Variants in MAF observed in about 807,000 individuals in gnomAD.
MAF encodes MAF bZIP transcription factor, also known as transcription factor Maf.
A neutral mutation model predicts 22.0 loss-of-function variants in MAF; 10 were observed. The ratio of observed to expected loss-of-function variants is 0.45; its 90% CI spans 0.28 to 0.77. The LOEUF is 0.77. Ranked by LOEUF, MAF falls within the 30% of genes least tolerant of loss-of-function variation. The pLI, the probability that MAF is intolerant of heterozygous loss-of-function variation, is 0.12. For missense variants in MAF, 544 were observed against 548.4 expected, an observed-to-expected ratio of 0.99 and a Z score of 0.08; for synonymous variants, 337 against 255.8, an observed-to-expected ratio of 1.32 and a Z score of -3.03.
chr16:79,363,565 G>A, the MAF span, among the ~76,000 whole-genome samples: 2 of 152,182 alleles, frequency 1.3e-5, no homozygotes, highest in African/African-American at 4.8e-5. Flanking sequence ...GGTTTCTACT[G>A]AATGTGTATT....
In MAF at chr16:79,600,300, C is replaced by T. The variant is rs1913951308; in HGVS notation, c.-398G>A. On this transcript the variant is annotated 5_prime_UTR_variant, in exon 1 of 2. Transcript: ENST00000326043. ...GGTGCGCGGCGTCCCCCGCTCGCCGCTCCGCTGCGCGCTTTGCATAAGGAA... is the reference window on the plus strand; with the variant it reads ...GGTGCGCGGCGTCCCCCGCTCGCCGTTCCGCTGCGCGCTTTGCATAAGGAA... 1 of 219,094 alleles carries T rather than the reference C, an allele frequency of 4.6e-6. No individual in the cohort carries two copies. The highest frequency in any genetic ancestry group is 6.1e-5 in the Admixed American group (1 of 16,396). The allele number at this position is 219,094 out of a possible 1,614,324, so 13.6% of individuals were successfully genotyped here.
chr16:79,419,518 G>A, the MAF span, among the ~76,000 whole-genome samples: 4 of 152,160 alleles, frequency 2.6e-5, no homozygotes, highest in African/African-American at 9.7e-5. Context: ...GCCTGTTTCA[G>A]GCTTCCAGGC....
At chr16:79,322,975 C>G in the MAF span, among the ~76,000 whole-genome samples, 2 of 150,824 alleles carry the variant, frequency 1.3e-5, no homozygotes, top group Non-Finnish European at 3.0e-5. Flanking sequence ...ACGATGAAAC[C>G]CCATCTCTAC....
chr16:79,394,497 A>G, the MAF span, among the ~76,000 whole-genome samples: 2 of 152,112 alleles, frequency 1.3e-5, no homozygotes, highest in Non-Finnish European at 2.9e-5. Flanking sequence ...CTTGTTTACG[A>G]ATTGTTTTCA....
the MAF span, among the ~76,000 whole-genome samples, chr16:79,449,324 T>A: frequency 6.6e-6 from 1 of 152,186 alleles, no homozygotes; most frequent in African/African-American, 2.4e-5. Context: ...GGCCCGAAGG[T>A]TGGGGAACCC....
At chr16:79,536,980 C>A in the MAF span, among the ~76,000 whole-genome samples, 3 of 152,104 alleles carry the variant, frequency 2.0e-5, no homozygotes, top group African/African-American at 7.2e-5. Context: ...AGTAGAGAGA[C>A]CTTTTATGTA....
chr16:79,470,029 C>A, the MAF span, among the ~76,000 whole-genome samples: 4 of 152,204 alleles, frequency 2.6e-5, no homozygotes, highest in South Asian at 2.1e-4. Context: ...CGCTCAGAAA[C>A]GTGCGGTCTG....
At chr16:79,224,158 C>CCA in the MAF span, among the ~76,000 whole-genome samples, 1 of 152,166 alleles carries the variant, frequency 6.6e-6, no homozygotes, top group Non-Finnish European at 1.5e-5. Flanking sequence ...AAAGCTTATG[C>CCA]ACCACGATCG....
chr16:79,236,944 G>GA, the MAF span, among the ~76,000 whole-genome samples: 31,474 of 140,544 alleles, frequency 0.22, 4,059 homozygotes, highest in African/African-American at 0.33. Flanking sequence ...ATAAATCTCG[G>GA]AAAAAAAAAA....
chr16:79,282,476 G>A, the MAF span, among the ~76,000 whole-genome samples: 1 of 152,270 alleles, frequency 6.6e-6, no homozygotes, highest in South Asian at 2.1e-4. Context: ...ACCAAAGAGT[G>A]GGAGCCTGAA....
the MAF span, among the ~76,000 whole-genome samples, chr16:79,359,420 A>C: frequency 3.9e-5 from 6 of 152,318 alleles, no homozygotes; most frequent in African/African-American, 1.4e-4. Flanking sequence ...TTTTTGCTGA[A>C]GAATATTCTA....
At chr16:79,274,092 T>G in the MAF span, among the ~76,000 whole-genome samples, 3 of 151,896 alleles carry the variant, frequency 2.0e-5, no homozygotes, top group African/African-American at 7.3e-5. Context: ...GTAGCTTGGA[T>G]TACAGGTATG....
the MAF span, among the ~76,000 whole-genome samples, chr16:79,553,380 G>C: frequency 6.6e-6 from 1 of 152,258 alleles, no homozygotes; most frequent in African/African-American, 2.4e-5. Context: ...ACCCATAGAG[G>C]AGGGGCTGGT....
At chr16:79,214,316 G>A in the MAF span, among the ~76,000 whole-genome samples, 14 of 152,250 alleles carry the variant, frequency 9.2e-5, no homozygotes, top group African/African-American at 3.1e-4. Flanking sequence ...CAAACTTACT[G>A]ACTTAATAAA....
At chr16:79,258,692 T>C in the MAF span, among the ~76,000 whole-genome samples, 1 of 152,186 alleles carries the variant, frequency 6.6e-6, no homozygotes, top group African/African-American at 2.4e-5. Flanking sequence ...TCAGCAGAGC[T>C]GTGGTAGTCA....
At chr16:79,292,069 T>C in the MAF span, among the ~76,000 whole-genome samples, 4 of 151,948 alleles carry the variant, frequency 2.6e-5, no homozygotes, top group African/African-American at 9.7e-5. Flanking sequence ...AACATTCTCA[T>C]CCTTAAAAAG....
chr16:79,582,345 G>A (rs1376391493), downstream of MAF, among the ~76,000 whole-genome samples: 1 of 152,162 alleles, frequency 6.6e-6, no homozygotes, highest in Non-Finnish European at 1.5e-5. Context: ...CTCTACAGAA[G>A]CATCATTTTG....
chr16:79,395,189 G>A, the MAF span, among the ~76,000 whole-genome samples: 4 of 152,154 alleles, frequency 2.6e-5, no homozygotes, highest in Non-Finnish European at 5.9e-5. Flanking sequence ...GAGGTTGAAG[G>A]GGCAGCTTAG....
the MAF span, among the ~76,000 whole-genome samples, chr16:79,578,110 A>C: frequency 6.6e-6 from 1 of 152,242 alleles, no homozygotes; most frequent in Non-Finnish European, 1.5e-5. Context: ...TATATATTTC[A>C]ATTAATGAGA....
Sources: gnomAD v4.1 joint callset for allele counts (sites outside exome capture counted in the v4.1 genomes callset) on GRCh38, gnomAD v4.1.1 for gene constraint, MANE v1.5 for transcripts, NCBI Gene and HGNC (gene_info 2026-07-23, HGNC 2026-07-21) for gene names.